Variants in HMCN1 observed in about 807,000 individuals in gnomAD.
HMCN1 encodes the protein hemicentin-1.
HMCN1 carries 321 observed loss-of-function variants against 625.9 expected under a neutral mutation model. The observed-to-expected ratio is 0.51, with a 90% CI of 0.47 to 0.56. The LOEUF (loss-of-function observed/expected upper bound fraction) is 0.56. Among genes scored for constraint, HMCN1 ranks in the 20% least tolerant of loss-of-function variants. The pLI is 0.00. For missense variants in HMCN1, 6,588 were observed against 6,887.3 expected (o/e 0.96, Z 1.54); for synonymous variants, 2,425 against 2,417.6 (o/e 1.00, Z -0.09).
intron 1 of HMCN1, among the ~76,000 whole-genome samples, chr1:185,803,204 G>GAAAAAAAAAAAAAAAAAAAAAAAAAAAAA (rs1557981375): frequency 4.2e-5 from 1 of 23,712 alleles, no homozygotes; most frequent in African/African-American, 2.0e-4. Flanking sequence ...AAAAAAAAAA[G>GAAAAAAAAAAAAAAAAAAAAAAAAAAAAA]CAAAAAAAAA....
intron 4 of HMCN1, among the ~76,000 whole-genome samples, chr1:185,893,719 A>T (rs1286083447): frequency 6.6e-6 from 1 of 152,206 alleles, no homozygotes; most frequent in East Asian, 1.9e-4. Flanking sequence ...AAATATAAAA[A>T]ACATGCTTGG....
intron 89 of HMCN1, among the ~76,000 whole-genome samples, chr1:186,141,293 G>A (rs1463775921): frequency 6.6e-6 from 1 of 152,080 alleles, no homozygotes; most frequent in Admixed American, 6.6e-5. Context: ...GAGGACCCCT[G>A]GTTTATCATA....
At chr1:186,031,213 C>T (rs1049060547) in intron 36 of HMCN1, among the ~76,000 whole-genome samples, 2 of 151,920 alleles carry the variant, frequency 1.3e-5, no homozygotes, top group African/African-American at 2.4e-5. Flanking sequence ...TCCTAGAATT[C>T]ATTGCTTTCC....
In HMCN1 at chr1:185,737,254, A is replaced by G. The variant is rs116770030; in HGVS notation, c.268+2207A>G. ...ACTGCAGACTCAACCTCCTAGGCTC[A>G]AGCAGTCCTCTCACTTCAGCCTCCC... On this transcript the variant is annotated intron_variant, in intron 1 of 106. Coordinates refer to ENST00000271588, the MANE Select transcript of HMCN1 (RefSeq NM_031935.3). Among the ~76,000 whole-genome samples the G allele has an allele frequency of 6.6e-3, 1,009 of 152,058 alleles. 8 individuals are homozygous for G. Among genetic ancestry groups the G allele is most frequent in the Middle Eastern group, 0.027 (8 of 292 alleles).
intron 4 of HMCN1, among the ~76,000 whole-genome samples, chr1:185,878,232 A>AT (rs1056972054): frequency 1.6e-4 from 25 of 152,138 alleles, no homozygotes; most frequent in Admixed American, 3.3e-4. Context: ...GATGCTTTTC[A>AT]TTTTTTAATC....
At chr1:185,951,199 C>T (rs1336298549) in intron 11 of HMCN1, among the ~76,000 whole-genome samples, 11 of 147,726 alleles carry the variant, frequency 7.4e-5, no homozygotes, top group East Asian at 2.0e-4. Context: ...GGAAGAAGGG[C>T]GGCAATGAGA....
chr1:186,090,535 C>T (rs1659784920), intron 63 of HMCN1, among the ~76,000 whole-genome samples: 1 of 151,926 alleles, frequency 6.6e-6, no homozygotes, highest in Non-Finnish European at 1.5e-5. Context: ...TCACTAGCCC[C>T]TATGACTAAA....
Position 185,805,737 on chromosome 1 carries a change from G to T in HMCN1, c.269-40289G>T, listed in dbSNP as rs78372374. Among the ~76,000 whole-genome samples, 153 of 152,176 alleles carry T rather than the reference G, an allele frequency of 1.0e-3. 4 individuals carry two copies. The East Asian group carries it at 0.024, about 24-fold the overall frequency. On this transcript the variant is annotated intron_variant, in intron 1 of 106. Transcript: ENST00000271588. The stretch of plus-strand genomic sequence containing the variant: ...GTCACTGCCTCTCTCTACTGCGTAT[G>T]TCTAACCCTGACCCATGCTGCACAA...
intron 41 of HMCN1, among the ~76,000 whole-genome samples, chr1:186,046,983 C>T (rs1656617411): frequency 6.6e-6 from 1 of 152,060 alleles, no homozygotes; most frequent in Admixed American, 6.6e-5. Context: ...GGCTTCAGAA[C>T]CCATGCTACT....
At chr1:186,164,699 T>C (rs568781388) in intron 97 of HMCN1, among the ~76,000 whole-genome samples, 3 of 152,248 alleles carry the variant, frequency 2.0e-5, no homozygotes, top group South Asian at 4.1e-4. Context: ...ACAGAGTTTC[T>C]ATTTTTCACG....
intron 11 of HMCN1, among the ~76,000 whole-genome samples, chr1:185,948,369 G>T (rs77170373): frequency 7.9e-5 from 12 of 151,686 alleles, no homozygotes; most frequent in Middle Eastern, 3.4e-3. Context: ...GGCTGAGTCC[G>T]AAAAGAGAGT....
At chr1:185,923,748 T>TATGAA in intron 8 of HMCN1, 95 bp downstream of exon 8, 3 of 1,030,958 alleles carry the variant, frequency 2.9e-6, no homozygotes, top group Non-Finnish European at 4.5e-6. Flanking sequence ...TAAAAAATAA[T>TATGAA]GTCTTCATAT....
chr1:185,951,928 C>A (rs933272915), intron 11 of HMCN1, among the ~76,000 whole-genome samples: 2 of 151,754 alleles, frequency 1.3e-5, no homozygotes, highest in Non-Finnish European at 2.9e-5. Flanking sequence ...TTAATTAAAT[C>A]CTGTTGTGGG....
chr1:185,857,568 GC>G (rs1243650431), intron 2 of HMCN1, among the ~76,000 whole-genome samples: 1 of 151,970 alleles, frequency 6.6e-6, no homozygotes, highest in Non-Finnish European at 1.5e-5. Flanking sequence ...CTGACTGTAT[GC>G]CAGGACAGAG....
chr1:185,957,794 A>C (rs1649729452), intron 11 of HMCN1, among the ~76,000 whole-genome samples: 1 of 152,194 alleles, frequency 6.6e-6, no homozygotes, highest in Non-Finnish European at 1.5e-5. Context: ...ATATTGCAAC[A>C]AAAAAGGAAA....
At chr1:186,115,728 T>A (rs1661102522) in intron 75 of HMCN1, among the ~76,000 whole-genome samples, 1 of 152,134 alleles carries the variant, frequency 6.6e-6, no homozygotes, top group South Asian at 2.1e-4. Context: ...TCATTTTATA[T>A]AAAAGAAAAA....
Position 186,067,927 on chromosome 1 carries a change from A to AT in HMCN1, c.7801dup (p.Ser2601PhefsTer11). 1 of 1,613,306 alleles carries AT rather than the reference A, an allele frequency of 6.2e-7. No individual in the cohort carries two copies. The highest frequency in any genetic ancestry group is 8.5e-7 in the Non-Finnish European group (1 of 1,179,304). On this transcript the variant is annotated frameshift_variant, in exon 50 of 107. Coordinates refer to ENST00000271588, the MANE Select transcript of HMCN1 (RefSeq NM_031935.3). LOFTEE classifies it high-confidence loss of function. ...CCTACATCTTTGGTCTGTGAAGCTT[A>AT]TTCATATCCTCCAGCTACCATCACC...
rs2102486939 is a variant in HMCN1 at position 186,119,662 on chromosome 1, G to A, written c.11957-83G>A. On this transcript the variant is annotated intron_variant, in intron 78 of 106. Transcript: ENST00000271588. ...CTAATATTTTAGAATTATGAATTTG[G>A]GTATTTTTAAGCTCATTACTACAAT... 1.3e-5 allele frequency: 17 copies of A among 1,338,706 alleles called. 1 individual carries two copies. In the South Asian group the frequency reaches 2.1e-4, roughly 16 times the overall value. The allele number at this position is 1,338,706 out of a possible 1,614,324, so 82.9% of individuals were successfully genotyped here. A position where few individuals can be genotyped will look rare whatever the true frequency, so the allele number is the denominator to read the frequency against.
chr1:185,966,928 G>T (rs1416139358), intron 14 of HMCN1, among the ~76,000 whole-genome samples: 2 of 152,022 alleles, frequency 1.3e-5, no homozygotes, highest in East Asian at 1.9e-4. Context: ...CCATTTTCCT[G>T]GTTGTCCATA....
Sources: gnomAD v4.1 joint callset for allele counts (sites outside exome capture counted in the v4.1 genomes callset) on GRCh38, gnomAD v4.1.1 for gene constraint, MANE v1.5 for transcripts, NCBI Gene and HGNC (gene_info 2026-07-23, HGNC 2026-07-21) for gene names.